The following ASAP1 variants were observed in gnomAD, a reference collection of about 807,000 sequenced individuals.
The protein encoded by ASAP1 is arf-GAP with SH3 domain, ANK repeat and PH domain-containing protein 1.
Under a neutral mutation model 145.2 loss-of-function variants are expected in ASAP1, and 43 were observed. The ratio of observed to expected loss-of-function variants is 0.30; its 90% CI spans 0.23 to 0.38. ASAP1 has a LOEUF of 0.38. Ranked by LOEUF, ASAP1 falls within the 10% of genes least tolerant of loss-of-function variation. The pLI is 1.00. For synonymous variants in ASAP1, 546 were observed against 515.5 expected (o/e 1.06, Z -0.80); for missense variants, 1,018 against 1,355.3 (o/e 0.75, Z 3.91).
chr8:130,254,723 G>A (rs562068796), intron 3 of ASAP1, among the ~76,000 whole-genome samples: 1 of 152,122 alleles, frequency 6.6e-6, no homozygotes, highest in Non-Finnish European at 1.5e-5. Flanking sequence ...TTTATCTAAG[G>A]CTTCAATTTG....
chr8:130,055,452 A>AC (rs1185836670), intron 29 of ASAP1, among the ~76,000 whole-genome samples: 1 of 151,644 alleles, frequency 6.6e-6, no homozygotes, highest in Non-Finnish European at 1.5e-5. Flanking sequence ...GCCTGGCAAG[A>AC]CCCACTGCGG....
chr8:130,375,619 G>A (rs1410273570), intron 2 of ASAP1, among the ~76,000 whole-genome samples: 1 of 152,074 alleles, frequency 6.6e-6, no homozygotes, highest in Non-Finnish European at 1.5e-5. Context: ...TTAATAGAAA[G>A]TTTAGGCAAG....
chr8:130,311,213 T>C (rs1823321462), intron 3 of ASAP1, among the ~76,000 whole-genome samples: 1 of 152,216 alleles, frequency 6.6e-6, no homozygotes, highest in Non-Finnish European at 1.5e-5. Context: ...AGTGGTGGAA[T>C]CATGGGTCAT....
chr8:130,111,385 G>C (rs562238425), intron 24 of ASAP1, among the ~76,000 whole-genome samples: 1 of 152,040 alleles, frequency 6.6e-6, no homozygotes, highest in Admixed American at 6.6e-5. Context: ...ACTGTCTCTG[G>C]AAAAATGTTC....
chr8:130,375,424 G>C (rs761005022), intron 2 of ASAP1, among the ~76,000 whole-genome samples: 20 of 152,102 alleles, frequency 1.3e-4, no homozygotes, highest in Non-Finnish European at 2.8e-4. Context: ...GCTGGGCATA[G>C]TGGCTCATGC....
At chr8:130,074,602 A>G (rs931062104) in intron 27 of ASAP1, among the ~76,000 whole-genome samples, 1 of 152,110 alleles carries the variant, frequency 6.6e-6, no homozygotes, top group Non-Finnish European at 1.5e-5. Flanking sequence ...CAGCAATGCA[A>G]AAGATGGAGG....
intron 2 of ASAP1, among the ~76,000 whole-genome samples, chr8:130,378,042 A>G (rs1827587529): frequency 6.6e-6 from 1 of 152,182 alleles, no homozygotes; most frequent in Non-Finnish European, 1.5e-5. Flanking sequence ...AGTAAAAGAT[A>G]ATGTTGTTTC....
At chr8:130,283,583 GAAA>G (rs1821392157) in intron 3 of ASAP1, among the ~76,000 whole-genome samples, 2 of 98,792 alleles carry the variant, frequency 2.0e-5, no homozygotes, top group African/African-American at 8.4e-5. Context: ...CTCCATCACA[GAAA>G]GAAAAAAAAA....
intron 3 of ASAP1, among the ~76,000 whole-genome samples, chr8:130,284,545 G>A (rs1440106128): frequency 2.0e-5 from 3 of 152,082 alleles, no homozygotes; most frequent in Non-Finnish European, 4.4e-5. Flanking sequence ...GATGCGCCCA[G>A]TACAGCCAGG....
intron 5 of ASAP1, among the ~76,000 whole-genome samples, chr8:130,210,335 G>C (rs62525885): frequency 0.18 from 27,647 of 152,108 alleles, 3,191 homozygotes; most frequent in East Asian, 0.44. Context: ...GATTTTTAAA[G>C]TGGGTTTATT....
intron 24 of ASAP1, among the ~76,000 whole-genome samples, chr8:130,099,073 T>C (rs1351056847): frequency 6.7e-6 from 1 of 149,888 alleles, no homozygotes; most frequent in Non-Finnish European, 1.5e-5. Flanking sequence ...TGCTGCAGTA[T>C]GATCACAGTT....
At chr8:130,222,364 A>T (rs566246901) in intron 4 of ASAP1, among the ~76,000 whole-genome samples, 77 of 152,344 alleles carry the variant, frequency 5.1e-4, no homozygotes, top group African/African-American at 1.7e-3. Context: ...TATGGCTGCT[A>T]CTTATTAAGC....
chr8:130,430,698 C>G (rs921111690), intron 1 of ASAP1, among the ~76,000 whole-genome samples: 1 of 152,060 alleles, frequency 6.6e-6, no homozygotes, highest in East Asian at 1.9e-4. Context: ...TGACCCGAGG[C>G]AGGAACTGTG....
At chr8:130,431,272 G>A (rs574294378) in intron 1 of ASAP1, among the ~76,000 whole-genome samples, 1 of 152,028 alleles carries the variant, frequency 6.6e-6, no homozygotes, top group African/African-American at 2.4e-5. Context: ...GTCCAATGTA[G>A]CCAGAGTCAC....
At chr8:130,247,960 C>G (rs184067401) in intron 3 of ASAP1, among the ~76,000 whole-genome samples, 1 of 152,116 alleles carries the variant, frequency 6.6e-6, no homozygotes, top group Non-Finnish European at 1.5e-5. Flanking sequence ...CACAACACCA[C>G]GTGGAGATGC....
At chr8:130,118,292 C>T (rs1456871509) in intron 19 of ASAP1, 46 bp from the exon 20 acceptor site, 2 of 1,571,754 alleles carry the variant, frequency 1.3e-6, no homozygotes, top group Admixed American at 3.4e-5. Flanking sequence ...ATATGCTCTG[C>T]CAAGGGAGGC....
intron 1 of ASAP1, among the ~76,000 whole-genome samples, chr8:130,429,038 G>A (rs1054615346): frequency 6.6e-6 from 1 of 152,194 alleles, no homozygotes; most frequent in Non-Finnish European, 1.5e-5. Context: ...TCCCTGAATT[G>A]TAGCTGCATC....
At chr8:130,251,756 C>T (rs1027511926) in intron 3 of ASAP1, among the ~76,000 whole-genome samples, 14 of 152,086 alleles carry the variant, frequency 9.2e-5, no homozygotes, top group Admixed American at 3.9e-4. Flanking sequence ...CACAAGAAAC[C>T]GAAAATAGCA....
intron 9 of ASAP1, among the ~76,000 whole-genome samples, chr8:130,175,223 T>C (rs1480781458): frequency 6.6e-6 from 1 of 152,152 alleles, no homozygotes; most frequent in African/African-American, 2.4e-5. Flanking sequence ...CATTTGTGTG[T>C]GTGTGTGTAC....
Sources: allele counts gnomAD v4.1 joint callset (sites outside exome capture counted in the v4.1 genomes callset), GRCh38; gene constraint gnomAD v4.1.1; transcripts MANE v1.5; gene names NCBI Gene and HGNC (gene_info 2026-07-23, HGNC 2026-07-21).